The following NAALADL2 variants were observed in gnomAD, a reference collection of about 807,000 sequenced individuals.
NAALADL2 encodes the protein N-acetylated alpha-linked acidic dipeptidase like 2.
NAALADL2 carries 76 observed loss-of-function variants against 87.2 expected under a neutral mutation model. That is an observed-to-expected ratio of 0.87 (90% CI 0.72 to 1.05). NAALADL2 has a LOEUF of 1.05. NAALADL2 is among the 50% of genes least tolerant of loss of function. NAALADL2 has a pLI of 0.00. For synonymous variants in NAALADL2, 354 were observed against 331.0 expected (o/e 1.07, Z -0.75); for missense variants, 1,089 against 945.8 (o/e 1.15, Z -1.99).
chr3:175,534,439 G>A (rs921796715), intron 9 of NAALADL2, among the ~76,000 whole-genome samples: 13 of 152,192 alleles, frequency 8.5e-5, no homozygotes, highest in Non-Finnish European at 5.9e-5. Flanking sequence ...GAAAGAGGTA[G>A]TCTGGGACTA....
chr3:174,702,624 T>C (rs1029271407), intron 2 of NAALADL2, among the ~76,000 whole-genome samples: 3 of 152,244 alleles, frequency 2.0e-5, no homozygotes, highest in Non-Finnish European at 4.4e-5. Flanking sequence ...AGCTAGGCTA[T>C]GATATAGGCT....
Position 175,314,070 on chromosome 3 carries a change from C to T in NAALADL2, c.940-10105C>T, listed in dbSNP as rs535796519. Among the ~76,000 whole-genome samples the T allele has an allele frequency of 3.6e-5, 4 of 111,804 alleles. No homozygotes were observed. The Middle Eastern group carries it at 0.018, about 493-fold the overall frequency. The allele number at this position is 111,804 out of a possible 152,430, so 73.3% of individuals were successfully genotyped here. A position where few individuals can be genotyped will look rare whatever the true frequency, so the allele number is the denominator to read the frequency against. ...CCTGGGCAACAGAGTGAGACTCCAT[C>T]TCAAAAAAAAAAAAAAAAAAGAAAA... On this transcript the variant is annotated intron_variant, in intron 4 of 13. Transcript: ENST00000454872.
intron 9 of NAALADL2, among the ~76,000 whole-genome samples, chr3:175,514,606 GC>G (rs1185124803): frequency 4.6e-5 from 7 of 152,122 alleles, no homozygotes; most frequent in Non-Finnish European, 7.3e-5. Context: ...CACCAAAAGT[GC>G]ATGTAGGGGA....
intron 9 of NAALADL2, among the ~76,000 whole-genome samples, chr3:175,509,840 TTTTTCTTA>T (rs138628443): frequency 0.084 from 12,753 of 152,066 alleles, 803 homozygotes; most frequent in African/African-American, 0.18. Context: ...CTTTTTCTTT[TTTTTCTTA>T]TTTTATTTTA....
At chr3:174,726,236 T>G (rs1732169106) in intron 2 of NAALADL2, among the ~76,000 whole-genome samples, 1 of 152,058 alleles carries the variant, frequency 6.6e-6, no homozygotes, top group Non-Finnish European at 1.5e-5. Context: ...AGTGGAAAAG[T>G]TAATAAAAGC....
chr3:174,445,306 A>G (rs961054933), intron 1 of NAALADL2, among the ~76,000 whole-genome samples: 7 of 152,146 alleles, frequency 4.6e-5, no homozygotes, highest in South Asian at 2.1e-4. Flanking sequence ...GAATAGTATA[A>G]TGAACCCCAG....
chr3:175,401,269 A>C (rs1406779651), intron 5 of NAALADL2, among the ~76,000 whole-genome samples: 3 of 152,136 alleles, frequency 2.0e-5, no homozygotes, highest in African/African-American at 7.2e-5. Flanking sequence ...AAAAAGATGG[A>C]AAGTTTTGCT....
At chr3:175,494,422 A>G (rs1035489113) in intron 9 of NAALADL2, among the ~76,000 whole-genome samples, 2 of 152,108 alleles carry the variant, frequency 1.3e-5, no homozygotes, top group African/African-American at 4.8e-5. Context: ...ATAAACCTGT[A>G]GCTTCAGGAG....
At chr3:174,578,350 G>A (rs1479493120) in intron 2 of NAALADL2, among the ~76,000 whole-genome samples, 1 of 151,876 alleles carries the variant, frequency 6.6e-6, no homozygotes, top group South Asian at 2.1e-4. Flanking sequence ...CTCCTGAAAA[G>A]CAAATGTAAA....
rs149996843 is a variant in NAALADL2, at chr3:175,323,505, A to G, written c.940-670A>G. On this transcript the variant is annotated intron_variant, in intron 4 of 13. Transcript: ENST00000454872. ...AAGTATAATAATAATAAAAAAAAGA[A>G]CCTTATGTATGGTAGATCCTCTATT... is the stretch of plus-strand genomic sequence containing the variant. 7.4e-3 allele frequency among the ~76,000 whole-genome samples: 1,126 copies of G among 152,132 alleles called. 14 individuals are homozygous for G. The highest frequency in any genetic ancestry group is 0.026 in the African/African-American group (1,083 of 41,514).
chr3:174,747,232 G>T (rs1487071230), intron 3 of NAALADL2, among the ~76,000 whole-genome samples: 2 of 152,056 alleles, frequency 1.3e-5, no homozygotes, highest in Admixed American at 1.3e-4. Context: ...AAATTTACAA[G>T]AAAAGGCCAA....
intron 9 of NAALADL2, among the ~76,000 whole-genome samples, chr3:175,508,303 C>T (rs1462030611): frequency 2.6e-5 from 4 of 152,176 alleles, no homozygotes; most frequent in African/African-American, 9.7e-5. Context: ...AACTATATCA[C>T]TCTACTTGGG....
intron 3 of NAALADL2, among the ~76,000 whole-genome samples, chr3:174,829,097 T>TG (rs546644838): frequency 5.7e-4 from 86 of 150,380 alleles, no homozygotes; most frequent in Middle Eastern, 3.4e-3. Flanking sequence ...TCTGTTTTTT[T>TG]TTGTTGTTGT....
intron 1 of NAALADL2, among the ~76,000 whole-genome samples, chr3:174,966,846 G>C (rs1453466630): frequency 6.6e-6 from 1 of 152,164 alleles, no homozygotes; most frequent in Admixed American, 6.6e-5. Context: ...TATAGGGTTA[G>C]AGAAATTGAG....
At chr3:175,690,988 T>A (rs965649064) in intron 11 of NAALADL2, among the ~76,000 whole-genome samples, 1 of 150,274 alleles carries the variant, frequency 6.7e-6, no homozygotes, top group Non-Finnish European at 1.5e-5. Flanking sequence ...GGTCTATTAT[T>A]GATCCACAAG....
intron 5 of NAALADL2, among the ~76,000 whole-genome samples, chr3:175,444,368 T>G (rs80154448): frequency 6.6e-6 from 1 of 152,168 alleles, no homozygotes; most frequent in African/African-American, 2.4e-5. Context: ...TGTCTATGCT[T>G]TGAAACATGA....
chr3:175,083,696 T>C (rs1179056097), intron 1 of NAALADL2, among the ~76,000 whole-genome samples: 1 of 152,202 alleles, frequency 6.6e-6, no homozygotes, highest in African/African-American at 2.4e-5. Flanking sequence ...TATTTAACTT[T>C]ATTCATCAAT....
At chr3:175,243,558 T>TA (rs1747388850) in intron 3 of NAALADL2, among the ~76,000 whole-genome samples, 1 of 121,640 alleles carries the variant, frequency 8.2e-6, no homozygotes, top group Non-Finnish European at 1.8e-5. Flanking sequence ...TTTTTTTTTT[T>TA]AACCCAAGAA....
At chr3:175,231,276 A>T (rs1228018850) in intron 2 of NAALADL2, among the ~76,000 whole-genome samples, 1 of 147,352 alleles carries the variant, frequency 6.8e-6, no homozygotes, top group African/African-American at 2.5e-5. Context: ...TGGGGCTTTG[A>T]TAATATTAGA....
Sources: allele counts gnomAD v4.1 joint callset (sites outside exome capture counted in the v4.1 genomes callset), GRCh38; gene constraint gnomAD v4.1.1; transcripts MANE v1.5; gene names NCBI Gene and HGNC (gene_info 2026-07-23, HGNC 2026-07-21).